The following NCF4 variants were observed in gnomAD, a reference collection of about 807,000 sequenced individuals.
NCF4 encodes the protein neutrophil cytosolic factor 4.
NCF4 carries 30 observed loss-of-function variants against 41.7 expected under a neutral mutation model. The observed-to-expected ratio is 0.72, with a 90% CI of 0.54 to 0.97. The LOEUF (loss-of-function observed/expected upper bound fraction) is 0.97. Among genes scored for constraint, NCF4 ranks in the 50% least tolerant of loss-of-function variants. The pLI is 0.00. For synonymous variants in NCF4, 195 were observed against 175.8 expected (o/e 1.11, Z -0.87); for missense variants, 432 against 460.9 (o/e 0.94, Z 0.57).
At chr22:36,862,449 C>T (rs553996376) in intron 1 of NCF4, among the ~76,000 whole-genome samples, 22 of 152,312 alleles carry the variant, frequency 1.4e-4, no homozygotes, top group South Asian at 2.1e-4. Flanking sequence ...CCCAGCCGCA[C>T]GCAAACTCGA....
intron 1 of NCF4, among the ~76,000 whole-genome samples, chr22:36,863,007 G>A (rs933587354): frequency 1.1e-4 from 16 of 152,266 alleles, no homozygotes; most frequent in Admixed American, 5.9e-4. Flanking sequence ...AGAACATCCC[G>A]GCCCAGTAGG....
At chr22:36,869,156 G>A (rs1939995630) in intron 4 of NCF4, among the ~76,000 whole-genome samples, 2 of 152,210 alleles carry the variant, frequency 1.3e-5, no homozygotes, top group African/African-American at 4.8e-5. Flanking sequence ...GGTGGGATGA[G>A]ATTTGAATTC....
At chr22:36,861,494 G>T (rs112974908) in intron 1 of NCF4, among the ~76,000 whole-genome samples, 1 of 152,310 alleles carries the variant, frequency 6.6e-6, no homozygotes, top group East Asian at 1.9e-4. Flanking sequence ...GGTGTCCTGG[G>T]TCCCAGGCTG....
At chr22:36,873,213 T>C (rs537508532) in intron 7 of NCF4, among the ~76,000 whole-genome samples, 159 of 147,570 alleles carry the variant, frequency 1.1e-3, no homozygotes, top group African/African-American at 3.9e-3. Context: ...GAGGTGAGGA[T>C]AGAGGTGAGG....
At chr22:36,871,159 C>T (rs1233803564) in intron 5 of NCF4, among the ~76,000 whole-genome samples, 1 of 152,210 alleles carries the variant, frequency 6.6e-6, no homozygotes, top group East Asian at 1.9e-4. Flanking sequence ...CCAATGTCTC[C>T]AAGGGTCCTC....
rs530203291 is a variant in NCF4 at position 36,865,140 on chromosome 22, C to T, written c.271+68C>T. On this transcript the variant is annotated intron_variant, in intron 3 of 9. Coordinates refer to ENST00000248899, the MANE Select transcript of NCF4 (RefSeq NM_000631.5). The surrounding 1 kb of genome is among the most constrained non-coding windows in gnomAD (Gnocchi z 4.3). ...CTCCTTCCTTCCAGGGCCCCTGACA[C>T]TGTTCTGTGATTTGATCTCAACCCC... 6.3e-7 allele frequency: 1 copy of T among 1,584,642 alleles called. No homozygotes were observed. The highest frequency in any genetic ancestry group is 1.3e-5 in the African/African-American group (1 of 74,594).
At chr22:36,873,253 A>G (rs1375039495) in intron 7 of NCF4, among the ~76,000 whole-genome samples, 2 of 144,204 alleles carry the variant, frequency 1.4e-5, no homozygotes, top group Non-Finnish European at 3.0e-5. Flanking sequence ...GGATGGAGGT[A>G]AGATTAGAGG....
At chr22:36,872,547 G>T in intron 7 of NCF4, 122 bp downstream of exon 7, 1 of 813,590 alleles carries the variant, frequency 1.2e-6, no homozygotes, top group Non-Finnish European at 2.0e-6. Flanking sequence ...GGGTGGAGGT[G>T]AGATTGGAGG....
At chr22:36,861,698 A>G (rs1220891841) in intron 1 of NCF4, among the ~76,000 whole-genome samples, 2 of 152,060 alleles carry the variant, frequency 1.3e-5, no homozygotes, top group Non-Finnish European at 2.9e-5. Flanking sequence ...CCTGGTTCTT[A>G]TATTACAGGA....
intron 2 of NCF4, among the ~76,000 whole-genome samples, chr22:36,864,703 GTTT>G (rs34176632): frequency 6.7e-6 from 1 of 148,606 alleles, no homozygotes; most frequent in Admixed American, 6.7e-5. Context: ...TCTTTTTCCA[GTTT>G]TTTTTTTCTT....
chr22:36,864,964 A>C lies in NCF4; in HGVS notation c.163A>C (p.Ile55Leu). The change falls in exon 3 of 10, where the codon ATC becomes CTC. Residue 55 changes from isoleucine to leucine, a missense_variant. Ile to Leu is a conservative substitution (Grantham distance 5, BLOSUM62 2). Transcript: ENST00000248899. The part of the protein sequence containing the change: ...VKTKGGSKYL[I>L]YRRYRQFHAL... ...GACAAAAGGAGGATCCAAGTACCTC[A>C]TCTACCGCCGCTACCGCCAGTTCCA... The C allele has an allele frequency of 6.2e-7, 1 of 1,613,800 alleles. No individual in the cohort carries two copies. Among genetic ancestry groups the C allele is most frequent in the Non-Finnish European group, 8.5e-7 (1 of 1,179,958 alleles).
rs762012398 is a variant in NCF4, at chr22:36,877,711, T to C, written c.908T>C (p.Val303Ala). 1 of 1,614,144 alleles carries C rather than the reference T, an allele frequency of 6.2e-7. No individual in the cohort carries two copies. The highest frequency in any genetic ancestry group is 8.5e-7 in the Non-Finnish European group (1 of 1,180,030). Residue 303 changes from valine (V) to alanine (A), a missense_variant, in exon 10 of 10, where the codon GTA becomes GCA. Coordinates refer to ENST00000248899, the MANE Select transcript of NCF4 (RefSeq NM_000631.5). ...DLVRLLSDED[V>A]ALMVRQARGL... ...GTTCGGCTGCTGTCGGATGAGGACG[T>C]AGCGCTCATGGTGCGGCAGGCTCGT...
At chr22:36,877,502 C>A in intron 9 of NCF4, 126 bp from the exon 10 acceptor site, 1 of 949,896 alleles carries the variant, frequency 1.1e-6, no homozygotes, top group Non-Finnish European at 1.7e-6. Context: ...TTGGATGACA[C>A]GGGCTTGTAT....
At chr22:36,872,017 A>G in intron 6 of NCF4, 1 of 648,734 alleles carries the variant, frequency 1.5e-6, no homozygotes, top group Non-Finnish European at 2.8e-6. Flanking sequence ...TGCAGAGATG[A>G]CTCAGACAAG....
At position 36,876,080 on chromosome 22, in the gene NCF4, G is replaced by T; in HGVS notation, c.810G>T (p.Leu270=). The part of the protein sequence containing the change: ...DLSSTPLLKD[L]LELTRREFQR... ...GCAGCACTCCCCTATTGAAAGACCT[G>T]CTGGAGCTCACAAGGTGAGGGGCTG... is the stretch of plus-strand genomic sequence containing the variant. The change falls in exon 9 of 10, where the codon CTG becomes CTT. Residue 270 remains leucine (L), a synonymous_variant. Transcript: ENST00000248899. 6.2e-7 allele frequency: 1 copy of T among 1,609,046 alleles called. No individual in the cohort carries two copies. Among genetic ancestry groups the T allele is most frequent in the Non-Finnish European group, 8.5e-7 (1 of 1,176,670 alleles).
chr22:36,870,553 A>T lies in NCF4; in HGVS notation c.470+11A>T, dbSNP rs1940032246. 1 of 1,610,140 alleles carries T rather than the reference A, an allele frequency of 6.2e-7. No individual in the cohort carries two copies. The highest frequency in any genetic ancestry group is 8.5e-7 in the Non-Finnish European group (1 of 1,179,992). The stretch of plus-strand genomic sequence containing the variant: ...GCGCACCCGGAAAGTGTAAGTGACC[A>T]GCCCCTGGGCTTCCACATGGCCAGA... On this transcript the variant is annotated intron_variant, in intron 5 of 9. Coordinates refer to ENST00000248899, the MANE Select transcript of NCF4 (RefSeq NM_000631.5).
intron 3 of NCF4, among the ~76,000 whole-genome samples, chr22:36,866,817 T>C (rs180847497): frequency 6.6e-6 from 1 of 152,308 alleles, no homozygotes; most frequent in Admixed American, 6.5e-5. Flanking sequence ...GCTTGAGGAA[T>C]TGTTCATTCA....
At chr22:36,874,638 TG>T (rs757122008) in intron 7 of NCF4, among the ~76,000 whole-genome samples, 1 of 152,100 alleles carries the variant, frequency 6.6e-6, no homozygotes, top group Non-Finnish European at 1.5e-5. Context: ...AGGTTGAAGG[TG>T]GGGGCAGAGG....
chr22:36,870,431 C>T lies in NCF4; in HGVS notation c.359C>T (p.Pro120Leu), dbSNP rs760441596. 1.1e-4 allele frequency: 176 copies of T among 1,613,866 alleles called. No homozygotes were observed. The highest frequency in any genetic ancestry group is 1.4e-4 in the Non-Finnish European group (167 of 1,180,032). Residue 120 changes from proline to leucine, a missense_variant, in exon 5 of 10, where the codon CCG becomes CTG. By Grantham distance (98) the Pro-to-Leu change is moderately conservative. Coordinates refer to ENST00000248899, the MANE Select transcript of NCF4 (RefSeq NM_000631.5). ...NAYMKSLLSL[P>L]VWVLMDEDVR... is the part of the protein sequence containing the mutation. The stretch of plus-strand genomic sequence containing the variant: ...CCCACACAGAGCCTGCTCAGCCTGC[C>T]GGTCTGGGTGCTGATGGATGAGGAC...
Sources: gnomAD v4.1 joint callset for allele counts (sites outside exome capture counted in the v4.1 genomes callset) on GRCh38, gnomAD v4.1.1 for gene constraint, Gnocchi (gnomAD v3.1) non-coding constraint, MANE v1.5 for transcripts, NCBI Gene and HGNC (gene_info 2026-07-23, HGNC 2026-07-21) for gene names.